Variants in HACD2 observed in about 807,000 individuals in gnomAD.
HACD2 encodes the protein 3-hydroxyacyl-CoA dehydratase 2, also known as very-long-chain (3R)-3-hydroxyacyl-CoA dehydratase 2.
Under a neutral mutation model 31.0 loss-of-function variants are expected in HACD2, and 15 were observed. That is an observed-to-expected ratio of 0.48 (90% CI 0.32 to 0.75). The LOEUF (loss-of-function observed/expected upper bound fraction) is 0.75. HACD2 is among the 30% of genes least tolerant of loss of function. The probability of loss-of-function intolerance (pLI) is 0.03; values close to 1 mark genes in which losing one functional copy is unlikely to be tolerated. For synonymous variants in HACD2, 115 were observed against 122.2 expected (o/e 0.94, Z 0.39); for missense variants, 283 against 313.0 (o/e 0.90, Z 0.72).
chr3:123,540,083 A>T (rs1384674514), intron 3 of HACD2, among the ~76,000 whole-genome samples: 1 of 138,374 alleles, frequency 7.2e-6, no homozygotes, highest in African/African-American at 2.7e-5. Context: ...GACCCTGTCT[A>T]AAAAAAAAAA....
chr3:123,563,609 A>G (rs1322901603), intron 3 of HACD2, among the ~76,000 whole-genome samples: 1 of 151,474 alleles, frequency 6.6e-6, no homozygotes, highest in African/African-American at 2.4e-5. Context: ...GACATGATAC[A>G]TTTCTTCTTT....
chr3:123,547,618 C>T (rs138115512), intron 3 of HACD2, among the ~76,000 whole-genome samples: 1 of 152,234 alleles, frequency 6.6e-6, no homozygotes, highest in East Asian at 1.9e-4. Context: ...CAGGTGGAGT[C>T]TGCACTGAGA....
rs1249350280 is a variant in HACD2, at chr3:123,555,167, G to A, written c.292+12595C>T. On this transcript the variant is annotated intron_variant, in intron 3 of 6. Transcript: ENST00000383657. ...TTCAAAATTGGTTGGGGAGAAAACT[G>A]AGCTAGGAATAATTTTATCTTATTG... is the stretch of plus-strand genomic sequence containing the variant. Among the ~76,000 whole-genome samples, 5 of 152,270 alleles carry A rather than the reference G, an allele frequency of 3.3e-5. No individual in the cohort carries two copies. The East Asian group carries it at 7.7e-4, about 23-fold the overall frequency.
chr3:123,551,571 CT>C (rs2056620885), intron 3 of HACD2, among the ~76,000 whole-genome samples: 1 of 151,632 alleles, frequency 6.6e-6, no homozygotes, highest in African/African-American at 2.4e-5. Context: ...TTGCAGTAAG[CT>C]GAGATTGTGC....
chr3:123,532,234 C>A (rs1020741552), intron 3 of HACD2, among the ~76,000 whole-genome samples: 6 of 152,194 alleles, frequency 3.9e-5, no homozygotes, highest in Admixed American at 3.9e-4. Context: ...GTTCTCTATC[C>A]AGTGAACTCG....
chr3:123,569,986 C>A (rs13320660), intron 2 of HACD2, among the ~76,000 whole-genome samples: 1 of 65,020 alleles, frequency 1.5e-5, no homozygotes, highest in Non-Finnish European at 2.8e-5. Flanking sequence ...AACACTCCAT[C>A]TCAAAAAAAA....
chr3:123,559,777 C>T (rs962368219), intron 3 of HACD2, among the ~76,000 whole-genome samples: 1 of 152,176 alleles, frequency 6.6e-6, no homozygotes, highest in African/African-American at 2.4e-5. Context: ...GATAAAATTC[C>T]CTGATCTGGG....
intron 3 of HACD2, among the ~76,000 whole-genome samples, chr3:123,546,484 C>G (rs79073128): frequency 0.017 from 2,578 of 152,248 alleles, 189 homozygotes; most frequent in Admixed American, 0.13. Flanking sequence ...CAGTTCTGAC[C>G]AAGGAAACAT....
chr3:123,532,761 G>A (rs1026434437), intron 3 of HACD2, among the ~76,000 whole-genome samples: 8 of 150,820 alleles, frequency 5.3e-5, no homozygotes, highest in African/African-American at 1.7e-4. Flanking sequence ...CTTGAACCCG[G>A]GAGCAGAGTT....
chr3:123,538,397 A>G (rs2056451179), intron 3 of HACD2, among the ~76,000 whole-genome samples: 1 of 152,238 alleles, frequency 6.6e-6, no homozygotes, highest in South Asian at 2.1e-4. Flanking sequence ...TTGTGCTAAA[A>G]GGATAGTGTT....
chr3:123,577,910 A>G (rs1169592305), intron 2 of HACD2, among the ~76,000 whole-genome samples: 1 of 152,198 alleles, frequency 6.6e-6, no homozygotes, highest in Non-Finnish European at 1.5e-5. Context: ...AAAATTCACA[A>G]TTTTAAACTG....
At position 123,494,895 on chromosome 3, in the gene HACD2, A is replaced by G. The variant is rs2055813774; in HGVS notation, c.758T>C (p.Phe253Ser). The G allele has an allele frequency of 1.3e-6, 2 of 1,552,046 alleles. No homozygotes were observed. Among genetic ancestry groups the G allele is most frequent in the East Asian group, 4.8e-5 (2 of 41,882 alleles). ...ILSHTEEHKK[F>S]E ...AGGTGCAGAAAGCAGGAACTATTCA[A>G]ATTTCTTGTGTTCTTCAGTATGAGA... The change falls in exon 7 of 7, where the codon TTT (phenylalanine) becomes TCT (serine). Residue 253 changes from phenylalanine to serine, a missense_variant. Phe to Ser is a radical substitution (Grantham distance 155). Coordinates refer to ENST00000383657, the MANE Select transcript of HACD2 (RefSeq NM_198402.5).
At chr3:123,497,535 C>T (rs753085028) in intron 6 of HACD2, among the ~76,000 whole-genome samples, 1 of 152,212 alleles carries the variant, frequency 6.6e-6, no homozygotes, top group African/African-American at 2.4e-5. Flanking sequence ...GGTGTGGTTA[C>T]AGTCACTGAC....
chr3:123,577,716 T>C (rs568418375), intron 2 of HACD2, among the ~76,000 whole-genome samples: 1 of 152,314 alleles, frequency 6.6e-6, no homozygotes, highest in East Asian at 1.9e-4. Context: ...AACATAATTT[T>C]AAACTGCCAT....
At chr3:123,544,121 G>A (rs1379021272) in intron 3 of HACD2, among the ~76,000 whole-genome samples, 1 of 152,176 alleles carries the variant, frequency 6.6e-6, no homozygotes, top group Non-Finnish European at 1.5e-5. Context: ...CGGGGGTGGT[G>A]GCAGTGGTGG....
intron 3 of HACD2, among the ~76,000 whole-genome samples, chr3:123,547,135 C>T (rs371214816): frequency 1.8e-4 from 27 of 152,230 alleles, no homozygotes; most frequent in African/African-American, 4.8e-4. Context: ...AAGTATTTAA[C>T]GAACGTACTT....
chr3:123,550,970 G>C (rs1219360888), intron 3 of HACD2, among the ~76,000 whole-genome samples: 1 of 152,184 alleles, frequency 6.6e-6, no homozygotes, highest in East Asian at 1.9e-4. Context: ...TGCAGGATGA[G>C]AGCTGGGAGA....
rs541649968 is a variant in HACD2, at chr3:123,496,769, G to A, written c.683-1799C>T. On this transcript the variant is annotated intron_variant, in intron 6 of 6. Coordinates refer to ENST00000383657, the MANE Select transcript of HACD2 (RefSeq NM_198402.5). ...ATTTACTGTAATGAAGGGAATCTGT[G>A]AGCTGGGCATGCACAAGACCTTCCC... is the stretch of plus-strand genomic sequence containing the variant. Among the ~76,000 whole-genome samples, 8 of 152,346 alleles carry A rather than the reference G, an allele frequency of 5.3e-5. No homozygotes were observed. The East Asian group carries it at 1.5e-3, about 29-fold the overall frequency.
chr3:123,571,513 G>A (rs1483116356), intron 2 of HACD2, among the ~76,000 whole-genome samples: 2 of 152,152 alleles, frequency 1.3e-5, no homozygotes, highest in African/African-American at 4.8e-5. Flanking sequence ...AGCTGCAGGG[G>A]AGTCACGTGC....
Sources: allele counts gnomAD v4.1 joint callset (sites outside exome capture counted in the v4.1 genomes callset), GRCh38; gene constraint gnomAD v4.1.1; transcripts MANE v1.5; gene names NCBI Gene and HGNC (gene_info 2026-07-23, HGNC 2026-07-21).